CTNNA1: variants seen among roughly 807,000 people sequenced by gnomAD.
CTNNA1 encodes catenin alpha-1.
CTNNA1 carries 37 observed loss-of-function variants against 98.4 expected under a neutral mutation model. The ratio of observed to expected loss-of-function variants is 0.38; its 90% confidence interval spans 0.29 to 0.49. CTNNA1 has a LOEUF of 0.49. Ranked by LOEUF, CTNNA1 falls within the 20% of genes least tolerant of loss-of-function variation. The pLI, the probability that CTNNA1 is intolerant of heterozygous loss-of-function variation, is 0.95. For synonymous variants in CTNNA1, 404 were observed against 413.2 expected (o/e 0.98, Z 0.27); for missense variants, 761 against 1,147.2 (o/e 0.66, Z 4.86).
chr5:138,770,909 G>A (rs1331697284), intron 1 of CTNNA1, among the ~76,000 whole-genome samples: 1 of 149,196 alleles, frequency 6.7e-6, no homozygotes, highest in East Asian at 2.0e-4. Flanking sequence ...CCGAGATTGC[G>A]CCACTGCACC....
intron 7 of CTNNA1, among the ~76,000 whole-genome samples, chr5:138,850,013 CTCT>C (rs981415083): frequency 5.3e-5 from 8 of 152,120 alleles, no homozygotes; most frequent in African/African-American, 7.2e-5. Context: ...CACACTCTCT[CTCT>C]TAAGATTTTT....
At chr5:138,846,857 T>G (rs1762771641) in intron 7 of CTNNA1, among the ~76,000 whole-genome samples, 1 of 152,180 alleles carries the variant, frequency 6.6e-6, no homozygotes, top group Non-Finnish European at 1.5e-5. Flanking sequence ...AAGTGTTAGA[T>G]CTCTACATTA....
intron 7 of CTNNA1, chr5:138,875,714 CT>C: frequency 1.0e-6 from 1 of 985,372 alleles, no homozygotes; most frequent in Non-Finnish European, 1.2e-6. Context: ...TTATGAAGTG[CT>C]GATTTAACAC....
At chr5:138,765,088 T>A (rs1343383346) in intron 1 of CTNNA1, among the ~76,000 whole-genome samples, 1 of 151,920 alleles carries the variant, frequency 6.6e-6, no homozygotes, top group East Asian at 1.9e-4. Flanking sequence ...TCCCCCAGAT[T>A]GGAGTGCAAT....
intron 5 of CTNNA1, among the ~76,000 whole-genome samples, chr5:138,818,829 T>C (rs1759718307): frequency 6.6e-6 from 1 of 152,170 alleles, no homozygotes; most frequent in Non-Finnish European, 1.5e-5. Flanking sequence ...GGGTTCCAGG[T>C]ACAGGTGCTC....
At position 138,844,587 on chromosome 5, in the gene CTNNA1, AC is replaced by A; in HGVS notation, c.1062+16870del. On this transcript the variant is annotated intron_variant, in intron 7 of 17. Transcript: ENST00000302763. ...CACTTTGGTTGTTGGTTGTTAAAAGACATAGGGAGCTTTGTTTGACTCTAAA... is the reference window on the plus strand; with the variant it reads ...CACTTTGGTTGTTGGTTGTTAAAAGAATAGGGAGCTTTGTTTGACTCTAAA... Among the ~76,000 whole-genome samples the A allele has an allele frequency of 2.0e-5, 3 of 152,308 alleles. 1 individual carries two copies. The highest frequency in any genetic ancestry group is 6.8e-3 in the Middle Eastern group (2 of 294).
chr5:138,845,629 G>A (rs749671544), intron 7 of CTNNA1, among the ~76,000 whole-genome samples: 1 of 152,220 alleles, frequency 6.6e-6, no homozygotes, highest in Non-Finnish European at 1.5e-5. Flanking sequence ...TCAGAGTTTT[G>A]ATTGCCTTGG....
intron 3 of CTNNA1, among the ~76,000 whole-genome samples, chr5:138,802,898 A>C (rs1459958182): frequency 6.6e-6 from 1 of 151,906 alleles, no homozygotes; most frequent in Admixed American, 6.6e-5. Context: ...CGTGTGCTTA[A>C]GTGATCCTCC....
chr5:138,766,456 T>TC (rs1024942577), intron 1 of CTNNA1, among the ~76,000 whole-genome samples: 3 of 150,098 alleles, frequency 2.0e-5, no homozygotes, highest in African/African-American at 7.3e-5. Context: ...GTTTTGTTTT[T>TC]TTTTTTTTTT....
chr5:138,821,631 A>G (rs1347951532), intron 5 of CTNNA1, among the ~76,000 whole-genome samples: 3 of 152,226 alleles, frequency 2.0e-5, no homozygotes, highest in Non-Finnish European at 4.4e-5. Flanking sequence ...TTGAATTTTC[A>G]GCTCTTGGTT....
intron 1 of CTNNA1, among the ~76,000 whole-genome samples, chr5:138,767,801 T>C (rs1753102304): frequency 6.6e-6 from 1 of 152,220 alleles, no homozygotes; most frequent in African/African-American, 2.4e-5. Flanking sequence ...CATGTTATTC[T>C]GAAGAATAAC....
chr5:138,801,128 A>T (rs188887095), intron 3 of CTNNA1, among the ~76,000 whole-genome samples: 19 of 152,358 alleles, frequency 1.2e-4, no homozygotes, highest in Non-Finnish European at 2.5e-4. Flanking sequence ...TGGCATTTTA[A>T]GTGGATATTC....
intron 3 of CTNNA1, among the ~76,000 whole-genome samples, chr5:138,791,552 G>A (rs745540462): frequency 2.0e-4 from 28 of 137,136 alleles, no homozygotes; most frequent in Admixed American, 1.1e-3. Flanking sequence ...GGAAGGCAGA[G>A]GTTGCAGTGA....
At chr5:138,809,791 C>T (rs1758486231) in intron 3 of CTNNA1, among the ~76,000 whole-genome samples, 1 of 151,766 alleles carries the variant, frequency 6.6e-6, no homozygotes, top group Non-Finnish European at 1.5e-5. Flanking sequence ...TATTTTTAAG[C>T]CTCTTGATAT....
rs1235237209 is a variant in CTNNA1 at position 138,933,534 on chromosome 5, T to TAAAC, written c.2434-266_2434-263dup. ...GTGACTTCCAGTTGGTTTGAGTGAA[T>TAAAC]AAACACTTGCTGAGGGGTGGGGGTG... On this transcript the variant is annotated intron_variant, in intron 17 of 17. Coordinates refer to ENST00000302763, the MANE Select transcript of CTNNA1 (RefSeq NM_001903.5). 3.9e-5 allele frequency among the ~76,000 whole-genome samples: 6 copies of TAAAC among 152,186 alleles called. No individual in the cohort carries two copies. In the East Asian group the frequency reaches 1.2e-3, roughly 29 times the overall value.
Position 138,873,751 on chromosome 5 carries a change from C to A in CTNNA1, c.1063-12461C>A. The A allele has an allele frequency of 6.2e-7, 1 of 1,614,000 alleles. No homozygotes were observed. Among genetic ancestry groups the A allele is most frequent in the South Asian group, 1.1e-5 (1 of 91,078 alleles). On this transcript the variant is annotated intron_variant, in intron 7 of 17. Transcript: ENST00000302763. The surrounding 1 kb of genome is among the most constrained non-coding windows in gnomAD (Gnocchi z 6.1). Reference sequence around the variant, plus strand: ...GATTGGGCATCGTTTCAAACACTGTCAAGTCGATGGCTTTGATTTCATTTC... The same window carrying A: ...GATTGGGCATCGTTTCAAACACTGTAAAGTCGATGGCTTTGATTTCATTTC...
At chr5:138,867,609 G>A (rs1764907905) in intron 7 of CTNNA1, among the ~76,000 whole-genome samples, 1 of 152,126 alleles carries the variant, frequency 6.6e-6, no homozygotes, top group Non-Finnish European at 1.5e-5. Flanking sequence ...ATAACCCTGA[G>A]ACAGTAAGAC....
At chr5:138,769,139 C>G (rs924977296) in intron 1 of CTNNA1, among the ~76,000 whole-genome samples, 1 of 151,850 alleles carries the variant, frequency 6.6e-6, no homozygotes, top group African/African-American at 2.4e-5. Flanking sequence ...GTGATCCTCC[C>G]GCCTTGGCCT....
chr5:138,881,524 T>G (rs1202682176), intron 7 of CTNNA1, among the ~76,000 whole-genome samples: 2 of 152,256 alleles, frequency 1.3e-5, no homozygotes, highest in Admixed American at 1.3e-4. Context: ...CTAGTTTCCC[T>G]TAGTTTTCAA....
Sources: allele counts gnomAD v4.1 joint callset (sites outside exome capture counted in the v4.1 genomes callset), GRCh38; gene constraint gnomAD v4.1.1; non-coding constraint Gnocchi (gnomAD v3.1); transcripts MANE v1.5; gene names NCBI Gene and HGNC (gene_info 2026-07-23, HGNC 2026-07-21).